The following USP38 variants were observed in gnomAD, a reference collection of about 807,000 sequenced individuals.
USP38 encodes ubiquitin specific peptidase 38.
USP38 carries 49 observed loss-of-function variants against 94.3 expected under a neutral mutation model. That is an observed-to-expected ratio of 0.52 (90% CI 0.41 to 0.66). The LOEUF (loss-of-function observed/expected upper bound fraction) is 0.66, where lower values mean the gene tolerates loss of function less well. Ranked by LOEUF, USP38 falls within the 30% of genes least tolerant of loss-of-function variation. The pLI is 0.00. For missense variants in USP38, 1,128 were observed against 1,229.4 expected (o/e 0.92, Z 1.23); for synonymous variants, 468 against 463.6 (o/e 1.01, Z -0.12).
chr4:143,221,564 A>T lies in USP38; in HGVS notation c.*1108A>T, dbSNP rs1041231831. On this transcript the variant is annotated 3_prime_UTR_variant, in exon 10 of 10. Transcript: ENST00000307017. ...TTGGCACTGTTGTTTCTATTTTCGT[A>T]GTTTTAGATAAAATGTTAAAATGCC... The T allele has an allele frequency of 1.3e-5, 2 of 152,278 alleles. No homozygotes were observed. Among genetic ancestry groups the T allele is most frequent in the African/African-American group, 2.4e-5 (1 of 41,406 alleles). The allele number at this position is 152,278 out of a possible 1,614,324, so 9.4% of individuals were successfully genotyped here.
At chr4:143,196,214 G>A (rs181709354) in intron 3 of USP38, among the ~76,000 whole-genome samples, 65 of 152,300 alleles carry the variant, frequency 4.3e-4, no homozygotes, top group African/African-American at 1.3e-3. Flanking sequence ...GCTGAGGCAC[G>A]AGAATGACTT....
intron 1 of USP38, 60 bp downstream of exon 1, chr4:143,186,192 A>G (rs1731219385): frequency 6.7e-7 from 1 of 1,485,078 alleles, no homozygotes; most frequent in Non-Finnish European, 9.2e-7. Flanking sequence ...TCTCTTGCAC[A>G]CACACATTCA....
At chr4:143,186,529 G>GT (rs1415167074) in intron 1 of USP38, among the ~76,000 whole-genome samples, 1 of 152,150 alleles carries the variant, frequency 6.6e-6, no homozygotes, top group Non-Finnish European at 1.5e-5. Flanking sequence ...TTTGTAATGA[G>GT]TTTTTCCCCC....
intron 2 of USP38, among the ~76,000 whole-genome samples, chr4:143,192,263 T>A (rs1177244378): frequency 6.6e-6 from 1 of 152,202 alleles, no homozygotes; most frequent in Non-Finnish European, 1.5e-5. Flanking sequence ...GGGTTATTTA[T>A]GAACAACAGA....
rs1049432249 is a variant in USP38 at position 143,206,081 on chromosome 4, A to G, written c.1258A>G (p.Ser420Gly). Residue 420 changes from serine (S) to glycine (G), a missense_variant, in exon 6 of 10, where the codon AGT becomes GGT. Physicochemically the swap from Ser to Gly is moderately conservative, Grantham distance 56. Transcript: ENST00000307017. Reference sequence around the variant, plus strand: ...GAAGATTAAGTTAATTCTCAATCAAAGTGCCTGGACTTCTCAATCCAATTC... The same window carrying G: ...GAAGATTAAGTTAATTCTCAATCAAGGTGCCTGGACTTCTCAATCCAATTC... ...EEKIKLILNQSAWTSQSNSLA... is the reference protein window; with the variant it reads ...EEKIKLILNQGAWTSQSNSLA... 3 of 1,612,306 alleles carry G rather than the reference A, an allele frequency of 1.9e-6. No individual in the cohort carries two copies. Among genetic ancestry groups the G allele is most frequent in the Non-Finnish European group, 2.5e-6 (3 of 1,179,336 alleles).
At chr4:143,193,581 GA>G (rs1273304799) in intron 2 of USP38, among the ~76,000 whole-genome samples, 1 of 152,172 alleles carries the variant, frequency 6.6e-6, no homozygotes, top group African/African-American at 2.4e-5. Flanking sequence ...GAAAAGGCCA[GA>G]AAAACAAGAA....
chr4:143,203,858 AT>A (rs1484173686), intron 5 of USP38, among the ~76,000 whole-genome samples: 1 of 152,214 alleles, frequency 6.6e-6, no homozygotes, highest in African/African-American at 2.4e-5. Flanking sequence ...CGTTAAGTTA[AT>A]GCATACATCA....
At chr4:143,212,482 T>C (rs1381071536) in intron 8 of USP38, 58 bp downstream of exon 8, 2 of 1,116,626 alleles carry the variant, frequency 1.8e-6, no homozygotes, top group Non-Finnish European at 2.5e-6. Flanking sequence ...AGTTTAATTC[T>C]ACTTAATATT....
rs372541091 is a variant in USP38 at position 143,186,094 on chromosome 4, C to T, written c.644C>T (p.Pro215Leu). 9 of 1,614,036 alleles carry T rather than the reference C, an allele frequency of 5.6e-6. No individual in the cohort carries two copies. Among genetic ancestry groups the T allele is most frequent in the South Asian group, 4.4e-5 (4 of 91,086 alleles). ...IWKAEPATLL[P>L]SLQEVFASIS... is the part of the protein sequence containing the mutation. The stretch of plus-strand genomic sequence containing the variant: ...AAGGCCGAGCCTGCCACACTACTGC[C>T]TTCCCTGCAAGAAGTTTTTGCAAGC... Residue 215 changes from proline to leucine, a missense_variant, in exon 1 of 10, where the codon CCT (proline) becomes CTT (leucine). Coordinates refer to ENST00000307017, the MANE Select transcript of USP38 (RefSeq NM_032557.6).
intron 5 of USP38, 97 bp downstream of exon 5, chr4:143,203,663 A>ATATGCTTT: frequency 7.7e-7 from 1 of 1,301,896 alleles, no homozygotes; most frequent in Non-Finnish European, 1.0e-6. Flanking sequence ...TTTTATGGTA[A>ATATGCTTT]TATGCTTTTT....
chr4:143,199,971 TA>T (rs1309716842), intron 4 of USP38, among the ~76,000 whole-genome samples: 1 of 152,220 alleles, frequency 6.6e-6, no homozygotes, highest in Non-Finnish European at 1.5e-5. Flanking sequence ...CAGAAGCTCT[TA>T]AGTTTAATTA....
intron 5 of USP38, among the ~76,000 whole-genome samples, chr4:143,204,873 T>C (rs1731817017): frequency 1.3e-5 from 2 of 151,990 alleles, no homozygotes; most frequent in African/African-American, 4.8e-5. Context: ...AAAGGTCTTA[T>C]TATCTTTACT....
intron 6 of USP38, among the ~76,000 whole-genome samples, chr4:143,207,501 G>C (rs1172875954): frequency 6.6e-6 from 1 of 152,158 alleles, no homozygotes; most frequent in African/African-American, 2.4e-5. Flanking sequence ...TTGTGCCACT[G>C]CACTCCAGCC....
chr4:143,216,011 A>T (rs1037643571), intron 9 of USP38, among the ~76,000 whole-genome samples: 1 of 152,090 alleles, frequency 6.6e-6, no homozygotes, highest in African/African-American at 2.4e-5. Context: ...TGTCCTTCTT[A>T]CTAGATATCA....
At chr4:143,212,000 CAGGAGCTTTATATCAAG>C (rs1179546933) in intron 7 of USP38, among the ~76,000 whole-genome samples, 1 of 151,894 alleles carries the variant, frequency 6.6e-6, no homozygotes, top group East Asian at 1.9e-4. Context: ...GGGATGATAC[CAGGAGCTTTATATCAAG>C]AGTTAGACAT....
intron 6 of USP38, among the ~76,000 whole-genome samples, chr4:143,208,891 G>A (rs1056964322): frequency 1.3e-5 from 2 of 150,286 alleles, no homozygotes; most frequent in African/African-American, 2.4e-5. Flanking sequence ...TTTATATCTA[G>A]CTCATTAGTC....
Position 143,185,642 on chromosome 4 carries a change from G to A in USP38, c.192G>A (p.Val64=). ...TCCAGCGGCAGGTGGGGCACCAGGT[G>A]CTGGAGGCCTACGCACGATACCACC... The part of the protein sequence containing the change: ...DPFQRQVGHQ[V]LEAYARYHRP... The change falls in exon 1 of 10, where the codon GTG becomes GTA. Residue 64 remains valine, a synonymous_variant. Transcript: ENST00000307017. 1 of 1,614,138 alleles carries A rather than the reference G, an allele frequency of 6.2e-7. No homozygotes were observed. Among genetic ancestry groups the A allele is most frequent in the East Asian group, 2.2e-5 (1 of 44,862 alleles).
rs139333519 is a variant in USP38, at chr4:143,185,394, C to G, written c.-57C>G. 4.6e-6 allele frequency: 7 copies of G among 1,514,224 alleles called. No individual in the cohort carries two copies. The highest frequency in any genetic ancestry group is 6.2e-6 in the Non-Finnish European group (7 of 1,131,722). The allele number at this position is 1,514,224 out of a possible 1,614,324, so 93.8% of individuals were successfully genotyped here. A position where few individuals can be genotyped will look rare whatever the true frequency, so the allele number is the denominator to read the frequency against. On this transcript the variant is annotated 5_prime_UTR_variant, in exon 1 of 10. Coordinates refer to ENST00000307017, the MANE Select transcript of USP38 (RefSeq NM_032557.6). ...GCCCCGGGGCTCTCCTGCCCCACCTCGGGGCTGCCGCCACCCGCTCCTTAT... is the reference window on the plus strand; with the variant it reads ...GCCCCGGGGCTCTCCTGCCCCACCTGGGGGCTGCCGCCACCCGCTCCTTAT...
In USP38 at chr4:143,214,892, A is replaced by G. The variant is rs749353856; in HGVS notation, c.2916A>G (p.Leu972=). 1 of 1,613,488 alleles carries G rather than the reference A, an allele frequency of 6.2e-7. No homozygotes were observed. Among genetic ancestry groups the G allele is most frequent in the South Asian group, 1.1e-5 (1 of 91,064 alleles). Residue 972 remains leucine, a synonymous_variant, in exon 9 of 10, where the codon CTA becomes CTG. Coordinates refer to ENST00000307017, the MANE Select transcript of USP38 (RefSeq NM_032557.6). ...TCTGGATAAATGGAGACCCACCTCT[A>G]CAGAAAGAACTTATGGATGCTATAA... is the stretch of plus-strand genomic sequence containing the variant. ...SGLWINGDPP[L]QKELMDAITK... is the part of the protein sequence containing the mutation.
Sources: allele counts gnomAD v4.1 joint callset (sites outside exome capture counted in the v4.1 genomes callset), GRCh38; gene constraint gnomAD v4.1.1; transcripts MANE v1.5; gene names NCBI Gene and HGNC (gene_info 2026-07-23, HGNC 2026-07-21).